The following PSME4 variants were observed in gnomAD, a reference collection of about 807,000 sequenced individuals.
The protein encoded by PSME4 is proteasome activator complex subunit 4.
PSME4 carries 89 observed loss-of-function variants against 253.9 expected under a neutral mutation model. The observed-to-expected ratio is 0.35, with a 90% confidence interval of 0.30 to 0.42. The LOEUF is 0.42. PSME4 is among the 10% of genes least tolerant of loss of function. The pLI is 1.00. For synonymous variants in PSME4, 851 were observed against 759.2 expected (o/e 1.12, Z -1.99); for missense variants, 2,014 against 2,195.2 (o/e 0.92, Z 1.65).
intron 20 of PSME4, among the ~76,000 whole-genome samples, chr2:53,918,882 A>G (rs960090118): frequency 6.6e-6 from 1 of 152,194 alleles, no homozygotes; most frequent in Non-Finnish European, 1.5e-5. Context: ...TTAACTCAGT[A>G]AACTAAGAGA....
At chr2:53,927,277 T>C in intron 12 of PSME4, 117 bp downstream of exon 12, 1 of 739,652 alleles carries the variant, frequency 1.4e-6, no homozygotes. Flanking sequence ...TGTACCATTC[T>C]AGTCACAAAA....
intron 1 of PSME4, among the ~76,000 whole-genome samples, chr2:53,962,504 C>T (rs1013280951): frequency 2.6e-5 from 4 of 152,046 alleles, no homozygotes; most frequent in Admixed American, 6.5e-5. Context: ...TTGGGAAAAC[C>T]ATTCTTAAGT....
chr2:53,915,085 C>T (rs1573277974), intron 20 of PSME4, among the ~76,000 whole-genome samples: 2 of 152,066 alleles, frequency 1.3e-5, no homozygotes, highest in South Asian at 2.1e-4. Flanking sequence ...GATTTTAAGA[C>T]CATCCCACAT....
At chr2:53,910,421 A>C (rs1480038281) in intron 20 of PSME4, among the ~76,000 whole-genome samples, 1 of 152,232 alleles carries the variant, frequency 6.6e-6, no homozygotes, top group East Asian at 1.9e-4. Context: ...AAATATGATA[A>C]ACCTTTACAT....
At chr2:53,936,419 T>C (rs1030757630) in intron 6 of PSME4, among the ~76,000 whole-genome samples, 2 of 152,030 alleles carry the variant, frequency 1.3e-5, no homozygotes, top group East Asian at 3.9e-4. Flanking sequence ...AAAAGGAAAT[T>C]TTAATCCAAC....
At chr2:53,930,148 A>C (rs184906438) in intron 10 of PSME4, among the ~76,000 whole-genome samples, 1 of 152,312 alleles carries the variant, frequency 6.6e-6, no homozygotes, top group East Asian at 1.9e-4. Flanking sequence ...TGGTCTATTA[A>C]ATATTTATCT....
intron 37 of PSME4, among the ~76,000 whole-genome samples, chr2:53,889,623 C>T (rs1013845580): frequency 6.6e-6 from 1 of 152,190 alleles, no homozygotes; most frequent in African/African-American, 2.4e-5. Context: ...TATCGCAGTT[C>T]AAGTTAACAG....
intron 1 of PSME4, among the ~76,000 whole-genome samples, chr2:53,960,442 G>T (rs1466123161): frequency 2.7e-5 from 4 of 150,722 alleles, no homozygotes; most frequent in African/African-American, 9.7e-5. Flanking sequence ...TCTAGCTAGA[G>T]GAGCAGATTA....
intron 1 of PSME4, among the ~76,000 whole-genome samples, chr2:53,959,074 T>C (rs1022164119): frequency 6.6e-6 from 1 of 152,186 alleles, no homozygotes; most frequent in Non-Finnish European, 1.5e-5. Flanking sequence ...CCTAGCACTT[T>C]GGGAAGCCAG....
In PSME4 at chr2:53,951,264, G is replaced by T. The variant is rs78486851; in HGVS notation, c.243-1981C>A. Among the ~76,000 whole-genome samples the T allele has an allele frequency of 7.2e-4, 109 of 152,244 alleles. 1 individual carries two copies. The South Asian group carries it at 0.021, about 30-fold the overall frequency. On this transcript the variant is annotated intron_variant, in intron 1 of 46. Transcript: ENST00000404125. ...CGCCCGGCTAATTTTTGTAATTTTA[G>T]TAGAGATGGGGTTTCACCATGTTGG...
intron 3 of PSME4, among the ~76,000 whole-genome samples, chr2:53,941,065 T>G (rs1407336103): frequency 2.2e-5 from 3 of 136,646 alleles, no homozygotes; most frequent in Non-Finnish European, 3.1e-5. Flanking sequence ...TTGAAATTCT[T>G]AAGTCCAGAA....
At chr2:53,935,718 T>C (rs62139282) in intron 7 of PSME4, among the ~76,000 whole-genome samples, 4,065 of 152,228 alleles carry the variant, frequency 0.027, 78 homozygotes, top group Non-Finnish European at 0.042. Flanking sequence ...TTATGATACC[T>C]TAATATGGTC....
intron 41 of PSME4, among the ~76,000 whole-genome samples, chr2:53,882,948 T>G (rs185953890): frequency 2.0e-5 from 3 of 151,732 alleles, no homozygotes; most frequent in Non-Finnish European, 4.4e-5. Context: ...CTATGAACAG[T>G]GGCTGTTATC....
In PSME4 at chr2:53,887,467, A is replaced by G. The variant is rs752166890; in HGVS notation, c.4521T>C (p.Ser1507=). Residue 1507 remains serine (S), a splice_region_variant and synonymous_variant, in exon 40 of 47, where the codon AGT becomes AGC. Transcript: ENST00000404125. ...CTATCATGAATATGTAGGTCAGCAC[A>G]CTGCAAAATAAAATACTTAATAATA... is the stretch of plus-strand genomic sequence containing the variant. The part of the protein sequence containing the change: ...VYKNVRERIG[S]VLTYIFMIDV... 1.2e-6 allele frequency: 2 copies of G among 1,606,678 alleles called. No homozygotes were observed. Among genetic ancestry groups the G allele is most frequent in the Non-Finnish European group, 8.5e-7 (1 of 1,175,240 alleles).
intron 41 of PSME4, among the ~76,000 whole-genome samples, chr2:53,876,713 A>ATCCTTTTTTTTTTTTTTTTTT (rs1679139819): frequency 1.3e-5 from 1 of 77,200 alleles, no homozygotes; most frequent in African/African-American, 4.7e-5. Context: ...AGCCACTGTC[A>ATCCTTTTTTTTTTTTTTTTTT]TTCTTTTTTT....
intron 3 of PSME4, among the ~76,000 whole-genome samples, chr2:53,943,219 G>T (rs1264129868): frequency 6.6e-6 from 1 of 152,204 alleles, no homozygotes; most frequent in Non-Finnish European, 1.5e-5. Flanking sequence ...TTTAACTTCA[G>T]AATAATATTT....
intron 36 of PSME4, among the ~76,000 whole-genome samples, chr2:53,891,448 AT>A (rs769134414): frequency 2.0e-5 from 3 of 152,210 alleles, no homozygotes; most frequent in Non-Finnish European, 2.9e-5. Flanking sequence ...ATATACCTTG[AT>A]TTCATCATTA....
Position 53,920,993 on chromosome 2 carries a change from G to C in PSME4, c.2158C>G (p.Leu720Val). 6.2e-7 allele frequency: 1 copy of C among 1,614,048 alleles called. No homozygotes were observed. The highest frequency in any genetic ancestry group is 8.5e-7 in the Non-Finnish European group (1 of 1,179,936). Residue 720 changes from leucine to valine, a missense_variant, in exon 18 of 47, where the codon CTT becomes GTT. This residue lies in a region of PSME4 where 989 missense variants were observed against 1,021.1 expected (regional missense o/e 0.97). Coordinates refer to ENST00000404125, the MANE Select transcript of PSME4 (RefSeq NM_014614.3). ...GTAGAACGGAGAAGATGATGCAAAA[G>C]GTTACAAGACAGAGTGTAACCCTGC... ...CKQGYTLSCN[L>V]LHHLLRSTTL...
rs757792117 is a variant in PSME4, at chr2:53,949,230, A to C, written c.296T>G (p.Ile99Ser). 7 of 1,610,714 alleles carry C rather than the reference A, an allele frequency of 4.3e-6. No individual in the cohort carries two copies. In the African/African-American group the frequency reaches 9.4e-5, roughly 22 times the overall value. Residue 99 changes from isoleucine (I) to serine (S), a missense_variant, in exon 2 of 47, where the codon ATT becomes AGT. Physicochemically the swap from Ile to Ser is moderately radical, Grantham distance 142 (BLOSUM62 -2). Coordinates refer to ENST00000404125, the MANE Select transcript of PSME4 (RefSeq NM_014614.3). Reference sequence around the variant, plus strand: ...TGATACCAGCTCATACAATAACTTAATAAAAAGAACATGATCTTCTTTGCT... The same window carrying C: ...TGATACCAGCTCATACAATAACTTACTAAAAAGAACATGATCTTCTTTGCT... ...KFSKEDHVLF[I>S]KLLYELVSIP...
Sources: gnomAD v4.1 joint callset for allele counts (sites outside exome capture counted in the v4.1 genomes callset) on GRCh38, gnomAD v4.1.1 for gene constraint, gnomAD v4.1.1 regional missense constraint, MANE v1.5 for transcripts, NCBI Gene and HGNC (gene_info 2026-07-23, HGNC 2026-07-21) for gene names.